The following COL4A4 variants were observed in gnomAD, a reference collection of about 807,000 sequenced individuals.
COL4A4 encodes collagen alpha-4(IV) chain.
In COL4A4, 105 loss-of-function variants were observed where a neutral mutation model predicts 192.9. The ratio of observed to expected loss-of-function variants is 0.54; its 90% CI spans 0.46 to 0.64. The LOEUF is 0.64. Among genes scored for constraint, COL4A4 ranks in the 30% least tolerant of loss-of-function variants. The pLI is 0.00. For synonymous variants in COL4A4, 762 were observed against 769.9 expected, an observed-to-expected ratio of 0.99 and a Z score of 0.17; for missense variants, 1,967 against 2,169.3, an observed-to-expected ratio of 0.91 and a Z score of 1.85.
At chr2:226,997,135 T>G in the COL4A4 span, 1 of 152,346 alleles carries the variant, frequency 6.6e-6, no homozygotes, top group East Asian at 1.9e-4. Flanking sequence ...TGGGAGCTCT[T>G]TGGCCTCCTG....
chr2:227,084,729 G>A (rs943187854), intron 22 of COL4A4, among the ~76,000 whole-genome samples: 2 of 152,050 alleles, frequency 1.3e-5, no homozygotes, highest in Non-Finnish European at 2.9e-5. Context: ...CGATTCCTGG[G>A]GCAAAGGTTC....
the COL4A4 span, chr2:226,988,405 C>G: frequency 1.3e-6 from 2 of 1,550,462 alleles, no homozygotes; most frequent in South Asian, 1.2e-5. Context: ...ACAAAGGACC[C>G]AGATGCCTGG....
chr2:227,112,546 G>C (rs2061274021), intron 8 of COL4A4, among the ~76,000 whole-genome samples: 1 of 152,198 alleles, frequency 6.6e-6, no homozygotes, highest in Non-Finnish European at 1.5e-5. Flanking sequence ...TGGGATTACA[G>C]GCGTGAGCCA....
the COL4A4 span, chr2:226,995,376 C>A: frequency 9.1e-7 from 1 of 1,103,052 alleles, no homozygotes; most frequent in South Asian, 1.3e-5. Context: ...TCCTAGGGTA[C>A]ACATGCCTTG....
chr2:227,104,936 C>T (rs1258208507), intron 12 of COL4A4, among the ~76,000 whole-genome samples: 7 of 151,718 alleles, frequency 4.6e-5, no homozygotes, highest in Admixed American at 1.3e-4. Context: ...CCACCGCACC[C>T]GGCCTATTAA....
chr2:227,154,568 T>C (rs1228003524), intron 1 of COL4A4, among the ~76,000 whole-genome samples: 1 of 152,212 alleles, frequency 6.6e-6, no homozygotes, highest in African/African-American at 2.4e-5. Context: ...AGTAAAATAA[T>C]TTACTACTAA....
In COL4A4 at chr2:227,050,815, G is replaced by A. The variant is rs115940483; in HGVS notation, c.3150+162C>T. On this transcript the variant is annotated intron_variant, in intron 33 of 47. Transcript: ENST00000396625. Reference sequence around the variant, plus strand: ...TGGTCAGAAATGTCAGTTTCATCGTGGCCTTCTAGAAGGCTCTATTTTCTC... The same window carrying A: ...TGGTCAGAAATGTCAGTTTCATCGTAGCCTTCTAGAAGGCTCTATTTTCTC... 5.7e-3 allele frequency among the ~76,000 whole-genome samples: 874 copies of A among 152,260 alleles called. 5 individuals are homozygous for A. Among genetic ancestry groups the A allele is most frequent in the African/African-American group, 0.02 (838 of 41,550 alleles).
At chr2:227,055,890 CAGTGGATTTCATGTTTCTA>C in intron 30 of COL4A4, 36 bp downstream of exon 30, 1 of 1,498,876 alleles carries the variant, frequency 6.7e-7, no homozygotes, top group Non-Finnish European at 9.2e-7. Flanking sequence ...CTTCACTTGG[CAGTGGATTTCATGTTTCTA>C]AGATGGGAGG....
chr2:227,033,386 G>A (rs766312802), intron 38 of COL4A4, 24 bp downstream of exon 38: 2 of 1,588,238 alleles, frequency 1.3e-6, no homozygotes, highest in East Asian at 4.5e-5. Context: ...AGCTCAGTCT[G>A]TTACGAATCG....
chr2:226,968,155 C>T, the COL4A4 span, among the ~76,000 whole-genome samples: 2 of 152,094 alleles, frequency 1.3e-5, no homozygotes, highest in Non-Finnish European at 2.9e-5. Context: ...TACAGTACCA[C>T]CAATAAGCTG....
At chr2:227,015,745 G>T (rs1194447038) in intron 44 of COL4A4, among the ~76,000 whole-genome samples, 5 of 152,126 alleles carry the variant, frequency 3.3e-5, no homozygotes, top group Admixed American at 3.3e-4. Context: ...GGCACAATCA[G>T]ATAAGGCAAT....
chr2:227,139,277 C>T (rs2063034606), intron 4 of COL4A4, among the ~76,000 whole-genome samples: 1 of 152,210 alleles, frequency 6.6e-6, no homozygotes, highest in African/African-American at 2.4e-5. Context: ...TATTCTGTTA[C>T]AGCAGCGAGA....
chr2:227,025,848 T>C, intron 42 of COL4A4, 38 bp from the exon 43 acceptor site: 1 of 1,604,794 alleles, frequency 6.2e-7, no homozygotes, highest in Non-Finnish European at 8.5e-7. Context: ...GGCCAGTCCA[T>C]GATTTTCACA....
intron 1 of COL4A4, among the ~76,000 whole-genome samples, chr2:227,148,560 T>C (rs2063705521): frequency 6.6e-6 from 1 of 152,208 alleles, no homozygotes; most frequent in East Asian, 1.9e-4. Flanking sequence ...ATTATGAATA[T>C]ACTAAAAACC....
rs36065792 is a variant in COL4A4 at position 227,105,188 on chromosome 2, A to ATTT, written c.736-1139_736-1137dup. Among the ~76,000 whole-genome samples, 326 of 104,032 alleles carry ATTT rather than the reference A, an allele frequency of 3.1e-3. 5 individuals are homozygous for ATTT. Among genetic ancestry groups the ATTT allele is most frequent in the Non-Finnish European group, 3.9e-3 (213 of 54,586 alleles). The allele number at this position is 104,032 out of a possible 152,430, so 68.2% of individuals were successfully genotyped here. On this transcript the variant is annotated intron_variant, in intron 12 of 47. Transcript: ENST00000396625. ...ATACTAAAATCTCTTCAGGATCCTG[A>ATTT]TTTTTTTTTTTTTTTTTTTTTGAGA...
Position 227,086,058 on chromosome 2 carries a change from G to A in COL4A4, c.1623+2595C>T, listed in dbSNP as rs370890026. Among the ~76,000 whole-genome samples, 3 of 152,342 alleles carry A rather than the reference G, an allele frequency of 2.0e-5. No homozygotes were observed. In the South Asian group the frequency reaches 6.2e-4, roughly 32 times the overall value. ...AAGACTGCAGAGCTCCCAAATGTCGGAGATGGGATCTGAAGCTGGTCCACT... is the reference window on the plus strand; with the variant it reads ...AAGACTGCAGAGCTCCCAAATGTCGAAGATGGGATCTGAAGCTGGTCCACT... On this transcript the variant is annotated intron_variant, in intron 22 of 47. Transcript: ENST00000396625.
At chr2:227,121,222 T>C (rs1415065600) in intron 4 of COL4A4, 74 bp from the exon 5 acceptor site, 8 of 1,511,304 alleles carry the variant, frequency 5.3e-6, no homozygotes, top group Non-Finnish European at 7.3e-6. Flanking sequence ...ATATACTCAT[T>C]CAGGCCTACA....
chr2:227,143,640 C>T (rs941261300), intron 3 of COL4A4, among the ~76,000 whole-genome samples: 2 of 152,056 alleles, frequency 1.3e-5, no homozygotes, highest in Non-Finnish European at 2.9e-5. Context: ...GAATATAACA[C>T]AAAAATAAAC....
the COL4A4 span, among the ~76,000 whole-genome samples, chr2:226,971,275 CAAGT>C: frequency 6.6e-6 from 1 of 152,124 alleles, no homozygotes; most frequent in Non-Finnish European, 1.5e-5. Context: ...GGTGAATGCC[CAAGT>C]GAGTGAGAGA....
Sources: allele counts gnomAD v4.1 joint callset (sites outside exome capture counted in the v4.1 genomes callset), GRCh38; gene constraint gnomAD v4.1.1; transcripts MANE v1.5; gene names NCBI Gene and HGNC (gene_info 2026-07-23, HGNC 2026-07-21).